FAF1: variants seen among roughly 807,000 people sequenced by gnomAD.
FAF1 encodes the protein Fas associated factor 1.
FAF1 carries 25 observed loss-of-function variants against 92.5 expected under a neutral mutation model. That is an observed-to-expected ratio of 0.27 (90% CI 0.20 to 0.38). The LOEUF (loss-of-function observed/expected upper bound fraction) is 0.38, where lower values mean the gene tolerates loss of function less well. Among genes scored for constraint, FAF1 ranks in the 10% least tolerant of loss-of-function variants. The pLI is 1.00. For missense variants in FAF1, 636 were observed against 793.3 expected (o/e 0.80, Z 2.38); for synonymous variants, 234 against 273.2 (o/e 0.86, Z 1.42).
At chr1:50,948,685 A>C (rs1645191142) in intron 1 of FAF1, among the ~76,000 whole-genome samples, 1 of 152,022 alleles carries the variant, frequency 6.6e-6, no homozygotes, top group Admixed American at 6.6e-5. Context: ...GGTGCACGCC[A>C]CCATACCCAG....
intron 1 of FAF1, among the ~76,000 whole-genome samples, chr1:50,861,846 C>A (rs1644435713): frequency 6.6e-6 from 1 of 151,574 alleles, no homozygotes; most frequent in South Asian, 2.1e-4. Flanking sequence ...CAGGTGAGAA[C>A]ACAGCAAGAC....
intron 4 of FAF1, among the ~76,000 whole-genome samples, chr1:50,771,358 A>G (rs554199080): frequency 1.3e-4 from 20 of 152,250 alleles, no homozygotes; most frequent in African/African-American, 4.6e-4. Context: ...ACAGAATGGG[A>G]GGAGATATTT....
intron 8 of FAF1, among the ~76,000 whole-genome samples, chr1:50,611,931 C>T (rs1652704718): frequency 6.6e-6 from 1 of 152,084 alleles, no homozygotes; most frequent in South Asian, 2.1e-4. Flanking sequence ...GTGTTAAACA[C>T]ATGAAAAGCA....
intron 1 of FAF1, among the ~76,000 whole-genome samples, chr1:50,877,541 T>C (rs1408250053): frequency 1.3e-5 from 2 of 152,144 alleles, no homozygotes; most frequent in Non-Finnish European, 2.9e-5. Context: ...CATGTAAATA[T>C]ACATTAGGGT....
intron 12 of FAF1, among the ~76,000 whole-genome samples, chr1:50,577,328 C>T (rs915251408): frequency 3.0e-4 from 45 of 152,146 alleles, no homozygotes; most frequent in African/African-American, 1.0e-3. Flanking sequence ...AGTTCAAGAC[C>T]AGTCTGGCCA....
chr1:50,533,572 ATAAAC>A (rs780731729), intron 15 of FAF1, among the ~76,000 whole-genome samples: 22 of 152,212 alleles, frequency 1.4e-4, no homozygotes, highest in Non-Finnish European at 3.1e-4. Flanking sequence ...ACAGCGATAA[ATAAAC>A]TAAAATACAA....
At chr1:50,653,904 G>C (rs1279026974) in intron 8 of FAF1, among the ~76,000 whole-genome samples, 2 of 152,086 alleles carry the variant, frequency 1.3e-5, no homozygotes, top group Non-Finnish European at 2.9e-5. Context: ...CTGACCTCAG[G>C]TAATCCACCG....
intron 7 of FAF1, among the ~76,000 whole-genome samples, chr1:50,678,273 A>T (rs1656235531): frequency 6.6e-6 from 1 of 152,154 alleles, no homozygotes; most frequent in Non-Finnish European, 1.5e-5. Context: ...ATTCTATATT[A>T]TGGGATAGTT....
At chr1:50,729,081 G>GTTTTTTT (rs1553132932) in intron 6 of FAF1, among the ~76,000 whole-genome samples, 1 of 119,876 alleles carries the variant, frequency 8.3e-6, no homozygotes, top group African/African-American at 3.6e-5. Flanking sequence ...TTGAGGCAGA[G>GTTTTTTT]TTTCGCTATT....
At chr1:50,763,003 C>T (rs189972016) in intron 4 of FAF1, among the ~76,000 whole-genome samples, 111 of 152,264 alleles carry the variant, frequency 7.3e-4, no homozygotes, top group African/African-American at 2.6e-3. Context: ...TACCTGTAAT[C>T]CCAGCACTTT....
chr1:50,892,433 G>A (rs1009606447), intron 1 of FAF1, among the ~76,000 whole-genome samples: 7 of 152,130 alleles, frequency 4.6e-5, no homozygotes, highest in South Asian at 2.1e-4. Context: ...CTTCTGTGTC[G>A]CTCACACTGG....
chr1:50,842,025 G>T (rs910400444), intron 2 of FAF1, among the ~76,000 whole-genome samples: 2 of 152,010 alleles, frequency 1.3e-5, no homozygotes, highest in Non-Finnish European at 2.9e-5. Flanking sequence ...GACTGACCAG[G>T]AATGCAAGGG....
intron 4 of FAF1, among the ~76,000 whole-genome samples, chr1:50,763,445 G>GT (rs1660439257): frequency 6.6e-6 from 1 of 151,980 alleles, no homozygotes; most frequent in Non-Finnish European, 1.5e-5. Flanking sequence ...AGATTTGTGA[G>GT]TTTATAGTTC....
chr1:50,787,962 A>G, intron 4 of FAF1, 38 bp downstream of exon 4: 1 of 1,531,052 alleles, frequency 6.5e-7, no homozygotes, highest in Non-Finnish European at 9.0e-7. Flanking sequence ...TTACCTAATT[A>G]TTTATTTGTG....
chr1:50,498,705 C>G (rs1465061595), intron 15 of FAF1, among the ~76,000 whole-genome samples: 4 of 151,996 alleles, frequency 2.6e-5, no homozygotes, highest in Admixed American at 2.0e-4. Context: ...CAAAAATTAC[C>G]TGGGTGTGGG....
At chr1:50,800,916 C>T (rs750600862) in intron 3 of FAF1, among the ~76,000 whole-genome samples, 1 of 152,210 alleles carries the variant, frequency 6.6e-6, no homozygotes, top group African/African-American at 2.4e-5. Flanking sequence ...AATTAAACTA[C>T]ACTTGGAAGG....
intron 4 of FAF1, among the ~76,000 whole-genome samples, chr1:50,783,866 C>T (rs1001206477): frequency 2.6e-5 from 4 of 152,082 alleles, no homozygotes; most frequent in African/African-American, 9.7e-5. Context: ...CAGAGTGAGA[C>T]TCCATCTCAA....
intron 6 of FAF1, among the ~76,000 whole-genome samples, chr1:50,719,072 A>G (rs1253397912): frequency 6.6e-6 from 1 of 152,218 alleles, no homozygotes; most frequent in Non-Finnish European, 1.5e-5. Context: ...AATCTGGCAC[A>G]TATGTAAATG....
At chr1:50,846,750 C>A in intron 2 of FAF1, 1 of 702,582 alleles carries the variant, frequency 1.4e-6, no homozygotes, top group Non-Finnish European at 2.5e-6. Context: ...TATTGTCAAA[C>A]ACCCTCTGAC....
Sources: gnomAD v4.1 joint callset for allele counts (sites outside exome capture counted in the v4.1 genomes callset) on GRCh38, gnomAD v4.1.1 for gene constraint, MANE v1.5 for transcripts, NCBI Gene and HGNC (gene_info 2026-07-23, HGNC 2026-07-21) for gene names.